The following NKAIN3 variants were observed in gnomAD, a reference collection of about 807,000 sequenced individuals.
The protein encoded by NKAIN3 is sodium/potassium-transporting ATPase subunit beta-1-interacting protein 3.
A neutral mutation model predicts 30.2 loss-of-function variants in NKAIN3; 25 were observed. The ratio of observed to expected loss-of-function variants is 0.83; its 90% CI spans 0.60 to 1.16. The LOEUF (loss-of-function observed/expected upper bound fraction) is 1.16, where lower values mean the gene tolerates loss of function less well. Ranked by LOEUF, NKAIN3 falls within the 50% of genes most tolerant of loss-of-function variation. The pLI, the probability that NKAIN3 is intolerant of heterozygous loss-of-function variation, is 0.00. For missense variants in NKAIN3, 225 were observed against 254.1 expected, an observed-to-expected ratio of 0.89 and a Z score of 0.78; for synonymous variants, 91 against 89.6, an observed-to-expected ratio of 1.02 and a Z score of -0.09.
chr8:62,355,234 A>C (rs1816310268), intron 1 of NKAIN3, among the ~76,000 whole-genome samples: 4 of 152,224 alleles, frequency 2.6e-5, no homozygotes, highest in Admixed American at 2.6e-4. Flanking sequence ...ACCTGAAGCC[A>C]CATCAGCATT....
chr8:62,860,922 C>T (rs1010363209), intron 4 of NKAIN3, among the ~76,000 whole-genome samples: 2 of 152,212 alleles, frequency 1.3e-5, no homozygotes, highest in Non-Finnish European at 2.9e-5. Flanking sequence ...ACTGATCCAC[C>T]TATCTGGCCT....
At chr8:62,808,193 T>C (rs1221170531) in intron 4 of NKAIN3, among the ~76,000 whole-genome samples, 2 of 152,158 alleles carry the variant, frequency 1.3e-5, no homozygotes, top group African/African-American at 2.4e-5. Context: ...CTTGTCAATG[T>C]CTTTGGTCAC....
chr8:62,766,005 CT>C (rs1816825299), intron 4 of NKAIN3, among the ~76,000 whole-genome samples: 1 of 152,106 alleles, frequency 6.6e-6, no homozygotes, highest in African/African-American at 2.4e-5. Flanking sequence ...TTACTTGAAT[CT>C]TTCTTGCTTG....
At chr8:62,560,531 CTTTTTTT>C (rs869256384) in intron 1 of NKAIN3, among the ~76,000 whole-genome samples, 35 of 45,370 alleles carry the variant, frequency 7.7e-4, no homozygotes, top group Admixed American at 1.7e-3. Flanking sequence ...TTTTTCTTTT[CTTTTTTT>C]TTTTTTTTTT....
chr8:62,433,861 A>G (rs4144761), intron 1 of NKAIN3, among the ~76,000 whole-genome samples: 1 of 152,052 alleles, frequency 6.6e-6, no homozygotes, highest in Non-Finnish European at 1.5e-5. Flanking sequence ...AAGGAATCTG[A>G]AAGTCAGGCA....
intron 4 of NKAIN3, among the ~76,000 whole-genome samples, chr8:62,902,865 AT>A (rs1821655029): frequency 6.6e-6 from 1 of 152,230 alleles, no homozygotes; most frequent in African/African-American, 2.4e-5. Flanking sequence ...TTACAAAAAA[AT>A]CTTAGGCAAT....
At position 62,981,698 on chromosome 8, in the gene NKAIN3, C is replaced by A. The variant is rs182512062; in HGVS notation, c.*16291C>A. ...TTTTTCTGAGACTTCCTAAATGTGA[C>A]AAGAACTCTGCTGTGTGGCAACCTT... is the stretch of plus-strand genomic sequence containing the variant. On this transcript the variant is annotated 3_prime_UTR_variant, in exon 7 of 7. Coordinates refer to ENST00000623646, the MANE Select transcript of NKAIN3 (RefSeq NM_001304533.3). The A allele has an allele frequency of 4.7e-4, 68 of 145,048 alleles. No homozygotes were observed. The highest frequency in any genetic ancestry group is 4.5e-5 in the Non-Finnish European group (3 of 66,920). 9.0% of individuals were successfully genotyped at this position (145,048 alleles called of 1,614,324 possible).
At chr8:62,491,904 GA>G (rs759214638) in intron 1 of NKAIN3, among the ~76,000 whole-genome samples, 1 of 151,996 alleles carries the variant, frequency 6.6e-6, no homozygotes, top group African/African-American at 2.4e-5. Context: ...AAGAAGAGAT[GA>G]AAAAATGTGA....
intron 4 of NKAIN3, among the ~76,000 whole-genome samples, chr8:62,798,782 C>T (rs1817955334): frequency 6.6e-6 from 1 of 152,100 alleles, no homozygotes; most frequent in African/African-American, 2.4e-5. Flanking sequence ...ACACATAGCC[C>T]TAGCACACTA....
chr8:62,470,823 C>G lies in NKAIN3; in HGVS notation c.55-108716C>G, dbSNP rs144270760. On this transcript the variant is annotated intron_variant, in intron 1 of 6. Coordinates refer to ENST00000623646, the MANE Select transcript of NKAIN3 (RefSeq NM_001304533.3). The stretch of plus-strand genomic sequence containing the variant: ...TTTTATATTCTTTGCTTCCTTTGGC[C>G]TAAATGCAGTTAAAAAAAAAACAAC... 4.3e-3 allele frequency among the ~76,000 whole-genome samples: 657 copies of G among 151,698 alleles called. 5 individuals are homozygous for G. The highest frequency in any genetic ancestry group is 0.015 in the African/African-American group (628 of 41,296).
At chr8:62,708,533 G>A (rs1009821683) in intron 3 of NKAIN3, among the ~76,000 whole-genome samples, 4 of 152,108 alleles carry the variant, frequency 2.6e-5, no homozygotes, top group African/African-American at 7.2e-5. Flanking sequence ...GGTCACTATT[G>A]ATGTATAGAA....
intron 4 of NKAIN3, among the ~76,000 whole-genome samples, chr8:62,845,227 T>C: frequency 6.7e-6 from 1 of 148,150 alleles, no homozygotes; most frequent in Non-Finnish European, 1.5e-5. Context: ...ACGTTGGCTC[T>C]GTGTTTTATA....
chr8:62,733,225 T>G (rs1815537113), intron 3 of NKAIN3, among the ~76,000 whole-genome samples: 1 of 152,142 alleles, frequency 6.6e-6, no homozygotes, highest in Non-Finnish European at 1.5e-5. Flanking sequence ...ATGAGCAACT[T>G]TTAATTCCAC....
chr8:62,876,831 G>A (rs1246290393), intron 4 of NKAIN3, among the ~76,000 whole-genome samples: 1 of 149,798 alleles, frequency 6.7e-6, no homozygotes, highest in Non-Finnish European at 1.5e-5. Context: ...GTGAGGCAAG[G>A]AACTTAGAGG....
At chr8:62,795,591 C>T (rs372212283) in intron 4 of NKAIN3, among the ~76,000 whole-genome samples, 2 of 151,626 alleles carry the variant, frequency 1.3e-5, no homozygotes, top group East Asian at 3.9e-4. Context: ...TTCATTTTGT[C>T]TTTTGTCTTT....
At chr8:62,506,964 G>C (rs1807664450) in intron 1 of NKAIN3, among the ~76,000 whole-genome samples, 1 of 152,084 alleles carries the variant, frequency 6.6e-6, no homozygotes, top group Admixed American at 6.5e-5. Context: ...TCTTTGACTA[G>C]AGCAAAATGA....
chr8:62,863,772 C>G (rs1820331753), intron 4 of NKAIN3: 1 of 1,610,986 alleles, frequency 6.2e-7, no homozygotes, highest in Non-Finnish European at 8.5e-7. Flanking sequence ...CACAGCCAGA[C>G]AGTAGAGAAG....
chr8:62,561,142 C>CT (rs1809564324), intron 1 of NKAIN3, among the ~76,000 whole-genome samples: 1 of 152,176 alleles, frequency 6.6e-6, no homozygotes, highest in East Asian at 1.9e-4. Context: ...TGTTTGCACT[C>CT]ATTGACATTT....
rs527415804 is a variant in NKAIN3 at position 62,527,162 on chromosome 8, C to T, written c.55-52377C>T. ...CAATCCCATCCAACCAGCCTCCCAT[C>T]CTCAGCTGAGATGTACACCAGAATT... On this transcript the variant is annotated intron_variant, in intron 1 of 6. Coordinates refer to ENST00000623646, the MANE Select transcript of NKAIN3 (RefSeq NM_001304533.3). Among the ~76,000 whole-genome samples the T allele has an allele frequency of 9.1e-4, 138 of 152,312 alleles. 2 individuals are homozygous for T. The South Asian group carries it at 0.028, about 30-fold the overall frequency.
Sources: gnomAD v4.1 joint callset for allele counts (sites outside exome capture counted in the v4.1 genomes callset) on GRCh38, gnomAD v4.1.1 for gene constraint, MANE v1.5 for transcripts, NCBI Gene and HGNC (gene_info 2026-07-23, HGNC 2026-07-21) for gene names.